Variants in RBFOX1 observed in about 807,000 individuals in gnomAD.
The protein encoded by RBFOX1 is RNA binding fox-1 homolog 1.
A neutral mutation model predicts 57.7 loss-of-function variants in RBFOX1; 8 were observed. That is an observed-to-expected ratio of 0.14 (90% CI 0.08 to 0.25). The LOEUF (loss-of-function observed/expected upper bound fraction) is 0.25, where lower values mean the gene tolerates loss of function less well. RBFOX1 is among the 10% of genes least tolerant of loss of function. RBFOX1 has a pLI of 1.00. For missense variants in RBFOX1, 611 were observed against 548.5 expected (o/e 1.11, Z -1.14); for synonymous variants, 326 against 222.4 (o/e 1.47, Z -4.15).
chr16:7,059,650 C>T (rs1250095549), intron 4 of RBFOX1, among the ~76,000 whole-genome samples: 2 of 152,148 alleles, frequency 1.3e-5, no homozygotes, highest in African/African-American at 4.8e-5. Flanking sequence ...ACTTATCAAA[C>T]GTACCAGATT....
At chr16:7,285,360 C>G (rs1279317304) in intron 4 of RBFOX1, among the ~76,000 whole-genome samples, 1 of 151,392 alleles carries the variant, frequency 6.6e-6, no homozygotes, top group Admixed American at 6.6e-5. Flanking sequence ...CAAATTTCCC[C>G]AATGTTACTT....
chr16:6,464,818 A>T (rs73540088), intron 2 of RBFOX1, among the ~76,000 whole-genome samples: 1 of 152,318 alleles, frequency 6.6e-6, no homozygotes, highest in Non-Finnish European at 1.5e-5. Context: ...CCTTCCTGCA[A>T]TGTTTAAGCC....
At chr16:7,443,510 T>A (rs1462172747) in intron 4 of RBFOX1, among the ~76,000 whole-genome samples, 1 of 151,682 alleles carries the variant, frequency 6.6e-6, no homozygotes, top group East Asian at 2.0e-4. Flanking sequence ...CCTTGAATCC[T>A]GCCAGATATG....
At chr16:6,761,988 G>C (rs1006310389) in intron 3 of RBFOX1, among the ~76,000 whole-genome samples, 1 of 151,936 alleles carries the variant, frequency 6.6e-6, no homozygotes, top group Admixed American at 6.6e-5. Context: ...GCCTTCTCAC[G>C]TGCCGCTCAA....
intron 3 of RBFOX1, among the ~76,000 whole-genome samples, chr16:5,775,241 C>T (rs938828893): frequency 6.6e-6 from 1 of 152,180 alleles, no homozygotes; most frequent in Admixed American, 6.5e-5. Flanking sequence ...TACTCAACCA[C>T]CATAGCTGTT....
chr16:5,613,148 G>T (rs2047884244), intron 3 of RBFOX1, among the ~76,000 whole-genome samples: 1 of 152,126 alleles, frequency 6.6e-6, no homozygotes, highest in Admixed American at 6.6e-5. Context: ...TTGGAGCAGG[G>T]GACAGAATCA....
chr16:5,999,572 C>A (rs545641179), intron 4 of RBFOX1, among the ~76,000 whole-genome samples: 1 of 152,276 alleles, frequency 6.6e-6, no homozygotes, highest in South Asian at 2.1e-4. Flanking sequence ...CCGGGCGCCG[C>A]TGGGTGCGGC....
chr16:6,550,216 C>T (rs145166824), intron 2 of RBFOX1, among the ~76,000 whole-genome samples: 20 of 152,132 alleles, frequency 1.3e-4, no homozygotes, highest in Non-Finnish European at 2.4e-4. Flanking sequence ...CTTACTCTGT[C>T]GCCCAGACTG....
At chr16:5,722,700 G>C (rs1258544679) in intron 3 of RBFOX1, among the ~76,000 whole-genome samples, 3 of 152,138 alleles carry the variant, frequency 2.0e-5, no homozygotes, top group Non-Finnish European at 4.4e-5. Context: ...AACATACCCA[G>C]CTCTTTCCCA....
At chr16:5,812,959 G>A (rs1440186759) in intron 3 of RBFOX1, among the ~76,000 whole-genome samples, 2 of 148,742 alleles carry the variant, frequency 1.3e-5, no homozygotes, top group African/African-American at 2.5e-5. Flanking sequence ...TTTTCTTATT[G>A]TTTTTATTGT....
intron 1 of RBFOX1, among the ~76,000 whole-genome samples, chr16:5,425,903 G>A (rs954507235): frequency 2.0e-5 from 3 of 152,208 alleles, no homozygotes; most frequent in Non-Finnish European, 2.9e-5. Context: ...TATGTCTGCA[G>A]CGGTGTGTGC....
intron 4 of RBFOX1, among the ~76,000 whole-genome samples, chr16:7,298,230 G>A (rs2095941988): frequency 6.6e-6 from 1 of 150,858 alleles, no homozygotes; most frequent in South Asian, 2.1e-4. Context: ...GCAACATGGG[G>A]GTTAGAAGCA....
chr16:7,053,361 A>C (rs2050767025), intron 4 of RBFOX1, among the ~76,000 whole-genome samples: 1 of 152,188 alleles, frequency 6.6e-6, no homozygotes, highest in South Asian at 2.1e-4. Context: ...ACAGACTTCA[A>C]GATTTTTAAG....
At chr16:6,016,920 T>G (rs1355603566), upstream of RBFOX1, among the ~76,000 whole-genome samples, 1 of 152,176 alleles carries the variant, frequency 6.6e-6, no homozygotes, top group Non-Finnish European at 1.5e-5. Context: ...TAATTTTGTT[T>G]TAAATTGTAA....
intron 3 of RBFOX1, among the ~76,000 whole-genome samples, chr16:6,935,967 C>T (rs1025638835): frequency 2.0e-5 from 3 of 152,174 alleles, no homozygotes; most frequent in East Asian, 1.9e-4. Flanking sequence ...GCTTTGCTTA[C>T]ACTCAGGCAG....
At chr16:5,994,080 A>G (rs906376040) in intron 4 of RBFOX1, among the ~76,000 whole-genome samples, 1 of 152,172 alleles carries the variant, frequency 6.6e-6, no homozygotes, top group African/African-American at 2.4e-5. Context: ...GAATGGAGCT[A>G]TGGGGGCTCG....
intron 1 of RBFOX1, among the ~76,000 whole-genome samples, chr16:6,137,637 A>G (rs897338336): frequency 9.1e-6 from 1 of 110,014 alleles, no homozygotes; most frequent in African/African-American, 4.0e-5. Context: ...TTTTTTTGAC[A>G]GGGTCTGACT....
intron 1 of RBFOX1, among the ~76,000 whole-genome samples, chr16:5,362,020 C>G (rs1006402979): frequency 6.6e-6 from 1 of 152,172 alleles, no homozygotes; most frequent in Non-Finnish European, 1.5e-5. Flanking sequence ...TTAATTGTGC[C>G]AACTGCATTG....
chr16:6,824,205 G>A (rs2091790106), intron 3 of RBFOX1, among the ~76,000 whole-genome samples: 1 of 152,190 alleles, frequency 6.6e-6, no homozygotes, highest in Non-Finnish European at 1.5e-5. Context: ...AGGAGTTCGA[G>A]ACCAGTCTGG....
Sources: gnomAD v4.1 joint callset for allele counts (sites outside exome capture counted in the v4.1 genomes callset) on GRCh38, gnomAD v4.1.1 for gene constraint, MANE v1.5 for transcripts, NCBI Gene and HGNC (gene_info 2026-07-23, HGNC 2026-07-21) for gene names.